Variants in C1QTNF3 observed in about 807,000 individuals in gnomAD.
C1QTNF3 encodes complement C1q tumor necrosis factor-related protein 3.
C1QTNF3 carries 26 observed loss-of-function variants against 32.6 expected under a neutral mutation model. The observed-to-expected ratio is 0.80, with a 90% CI of 0.58 to 1.11. C1QTNF3 has a LOEUF of 1.11. C1QTNF3 is among the 50% of genes least tolerant of loss of function. The pLI is 0.00. For missense variants in C1QTNF3, 362 were observed against 398.2 expected (o/e 0.91, Z 0.77); for synonymous variants, 155 against 146.0 (o/e 1.06, Z -0.44).
chr5:34,204,004 GACC>G, the C1QTNF3 span, among the ~76,000 whole-genome samples: 1 of 151,338 alleles, frequency 6.6e-6, no homozygotes, highest in African/African-American at 2.4e-5. Flanking sequence ...TCCAACACTA[GACC>G]ACCAAGATTC....
chr5:34,234,042 G>A, the C1QTNF3 span, among the ~76,000 whole-genome samples: 1 of 152,032 alleles, frequency 6.6e-6, no homozygotes, highest in African/African-American at 2.4e-5. Context: ...AATCAAATGA[G>A]ATAAACATTT....
At chr5:34,158,950 A>G in the C1QTNF3 span, among the ~76,000 whole-genome samples, 1 of 130,256 alleles carries the variant, frequency 7.7e-6, no homozygotes, top group South Asian at 2.1e-4. Flanking sequence ...ATATACTTAC[A>G]CACACAAACA....
At chr5:34,051,094 T>C in the C1QTNF3 span, among the ~76,000 whole-genome samples, 6 of 152,172 alleles carry the variant, frequency 3.9e-5, no homozygotes, top group African/African-American at 1.2e-4. Context: ...AAAAGGGACA[T>C]ACAGAAAGGA....
chr5:34,198,285 TAATC>T, the C1QTNF3 span, among the ~76,000 whole-genome samples: 1 of 117,142 alleles, frequency 8.5e-6, no homozygotes, highest in Non-Finnish European at 1.6e-5. Flanking sequence ...TAAAAAATAA[TAATC>T]AAGGCACTAA....
At chr5:34,229,054 G>A in the C1QTNF3 span, among the ~76,000 whole-genome samples, 47 of 152,048 alleles carry the variant, frequency 3.1e-4, no homozygotes, top group Non-Finnish European at 6.2e-4. Context: ...AAACAGCAGA[G>A]TATTAGATAA....
At chr5:34,123,313 G>C in the C1QTNF3 span, among the ~76,000 whole-genome samples, 3 of 152,298 alleles carry the variant, frequency 2.0e-5, no homozygotes, top group Admixed American at 2.0e-4. Context: ...TGTTGGACTT[G>C]ATCTGGGCCT....
chr5:34,237,242 C>T, the C1QTNF3 span, among the ~76,000 whole-genome samples: 28 of 152,140 alleles, frequency 1.8e-4, no homozygotes, highest in African/African-American at 6.0e-4. Context: ...AGTAATTTTA[C>T]GGGTAAAATG....
chr5:34,056,098 T>C, the C1QTNF3 span, among the ~76,000 whole-genome samples: 158 of 152,306 alleles, frequency 1.0e-3, 1 homozygote, highest in African/African-American at 3.5e-3. Context: ...TGCATGATTC[T>C]ACACTTGCTC....
the C1QTNF3 span, among the ~76,000 whole-genome samples, chr5:34,176,465 G>A: frequency 6.6e-6 from 1 of 151,030 alleles, no homozygotes; most frequent in Non-Finnish European, 1.5e-5. Flanking sequence ...TAAAAAGGAG[G>A]TTTAAAAAAA....
chr5:34,020,601 C>A lies in C1QTNF3; in HGVS notation c.942G>T (p.Leu314=). The A allele has an allele frequency of 6.2e-7, 1 of 1,614,186 alleles. No homozygotes were observed. Among genetic ancestry groups the A allele is most frequent in the South Asian group, 1.1e-5 (1 of 91,078 alleles). ...CATATATTTACTTAGTTTCAAAGAG[C>A]AGGAATCCTGCAAAGGTGGAGAAGC... The part of the protein sequence containing the change: ...HQRFSTFAGF[L]LFETK Residue 314 remains leucine (L), a synonymous_variant, in exon 6 of 6, where the codon CTG becomes CTT. Coordinates refer to ENST00000382065, the MANE Select transcript of C1QTNF3 (RefSeq NM_181435.6).
chr5:34,196,050 AG>A, the C1QTNF3 span, among the ~76,000 whole-genome samples: 1 of 152,280 alleles, frequency 6.6e-6, no homozygotes, highest in Non-Finnish European at 1.5e-5. Flanking sequence ...TTTCCAATCT[AG>A]GAAGCAGGCC....
chr5:34,089,856 T>C, the C1QTNF3 span, among the ~76,000 whole-genome samples: 12 of 152,236 alleles, frequency 7.9e-5, no homozygotes, highest in African/African-American at 2.7e-4. Context: ...TTATAAATAA[T>C]GTCAACTGTA....
At chr5:34,092,654 T>C in the C1QTNF3 span, among the ~76,000 whole-genome samples, 1 of 151,556 alleles carries the variant, frequency 6.6e-6, no homozygotes, top group Non-Finnish European at 1.5e-5. Flanking sequence ...CTACTGGGTT[T>C]TTCAATGAAG....
chr5:34,113,668 C>A, the C1QTNF3 span, among the ~76,000 whole-genome samples: 524 of 152,086 alleles, frequency 3.4e-3, 4 homozygotes, highest in African/African-American at 0.012. Context: ...TTTACTCTCT[C>A]TCTATATATA....
the C1QTNF3 span, among the ~76,000 whole-genome samples, chr5:34,209,880 T>C: frequency 6.6e-6 from 1 of 152,120 alleles, no homozygotes; most frequent in African/African-American, 2.4e-5. Context: ...CAAAACCTTT[T>C]AGTTAAGAAA....
chr5:34,178,234 T>C, the C1QTNF3 span, among the ~76,000 whole-genome samples: 41 of 151,714 alleles, frequency 2.7e-4, no homozygotes, highest in Middle Eastern at 3.4e-3. Flanking sequence ...TGAGTCAAGA[T>C]TGCACCACTA....
chr5:34,087,847 G>A, the C1QTNF3 span, among the ~76,000 whole-genome samples: 1 of 152,218 alleles, frequency 6.6e-6, no homozygotes, highest in Non-Finnish European at 1.5e-5. Flanking sequence ...GACTCCCAAA[G>A]TGCTGGGATT....
At chr5:34,046,172 C>T (rs1754982983), upstream of C1QTNF3, among the ~76,000 whole-genome samples, 1 of 152,168 alleles carries the variant, frequency 6.6e-6, no homozygotes, top group Non-Finnish European at 1.5e-5. Flanking sequence ...ACAACTGTAA[C>T]CAATCAACTA....
the C1QTNF3 span, among the ~76,000 whole-genome samples, chr5:34,103,194 T>TGTTTTGATGG: frequency 6.7e-6 from 1 of 148,848 alleles, no homozygotes; most frequent in African/African-American, 2.5e-5. Context: ...TCTATTCCTG[T>TGTTTTGATGG]GTTTTGCTGG....
Sources: allele counts gnomAD v4.1 joint callset (sites outside exome capture counted in the v4.1 genomes callset), GRCh38; gene constraint gnomAD v4.1.1; transcripts MANE v1.5; gene names NCBI Gene and HGNC (gene_info 2026-07-23, HGNC 2026-07-21).